Variants in GAN observed in about 807,000 individuals in gnomAD.
GAN encodes epididymis secretory sperm binding protein.
In GAN, 48 loss-of-function variants were observed where a neutral mutation model predicts 71.3. The observed-to-expected ratio is 0.67, with a 90% CI of 0.53 to 0.86. GAN has a LOEUF of 0.86. Among genes scored for constraint, GAN ranks in the 40% least tolerant of loss-of-function variants. The pLI is 0.00. For synonymous variants in GAN, 386 were observed against 276.8 expected (o/e 1.39, Z -3.92); for missense variants, 928 against 770.1 (o/e 1.21, Z -2.43).
intron 9 of GAN, 147 bp downstream of exon 9, chr16:81,365,625 G>T: frequency 1.2e-6 from 1 of 804,652 alleles, no homozygotes; most frequent in Non-Finnish European, 2.1e-6. Flanking sequence ...TATTTATTCA[G>T]TGACTTCACA....
chr16:81,321,562 G>A (rs551211957), intron 1 of GAN, among the ~76,000 whole-genome samples: 13 of 152,270 alleles, frequency 8.5e-5, no homozygotes, highest in East Asian at 1.9e-4. Context: ...TTTCAAAACC[G>A]CCTTATCCAT....
chr16:81,347,998 C>G (rs1485317329), intron 1 of GAN, among the ~76,000 whole-genome samples: 1 of 151,766 alleles, frequency 6.6e-6, no homozygotes, highest in African/African-American at 2.4e-5. Context: ...CTCTCATTTT[C>G]TTTTTTAAAA....
chr16:81,374,860 A>G (rs1164651103), intron 9 of GAN, among the ~76,000 whole-genome samples: 1 of 152,246 alleles, frequency 6.6e-6, no homozygotes, highest in African/African-American at 2.4e-5. Flanking sequence ...TGCCAAGGCA[A>G]TTTAGTGGGG....
intron 1 of GAN, among the ~76,000 whole-genome samples, chr16:81,325,525 C>G (rs1330238940): frequency 6.6e-6 from 1 of 152,168 alleles, no homozygotes; most frequent in Admixed American, 6.5e-5. Context: ...AGTTGCTAAT[C>G]ATTAAAGACT....
intron 3 of GAN, 92 bp from the exon 4 acceptor site, chr16:81,356,693 T>A: frequency 1.1e-6 from 1 of 908,488 alleles, no homozygotes; most frequent in Admixed American, 1.7e-5. Context: ...GTGTTAACAG[T>A]TTGTTTTCCA....
At chr16:81,318,879 A>G (rs1909131946) in intron 1 of GAN, among the ~76,000 whole-genome samples, 1 of 152,224 alleles carries the variant, frequency 6.6e-6, no homozygotes, top group Non-Finnish European at 1.5e-5. Flanking sequence ...TGCTCCAGGA[A>G]GGAGGCAGGA....
At chr16:81,362,953 G>A (rs1322752482) in intron 6 of GAN, among the ~76,000 whole-genome samples, 2 of 152,156 alleles carry the variant, frequency 1.3e-5, no homozygotes, top group African/African-American at 2.4e-5. Context: ...TTCGTACGAC[G>A]TCTCACCATC....
In GAN at chr16:81,340,438, A is replaced by G. The variant is rs1479396650; in HGVS notation, c.168-11145A>G. Among the ~76,000 whole-genome samples, 9 of 152,326 alleles carry G rather than the reference A, an allele frequency of 5.9e-5. No homozygotes were observed. In the East Asian group the frequency reaches 1.7e-3, roughly 29 times the overall value. On this transcript the variant is annotated intron_variant, in intron 1 of 10. Coordinates refer to ENST00000648994, the MANE Select transcript of GAN (RefSeq NM_022041.4). ...CTGGGGCGAAGCTTCCAGAGGAAGG[A>G]TCAGGCAGCAATTTTTGCTGTTCTG...
chr16:81,377,066 A>G (rs1238469854), intron 9 of GAN, among the ~76,000 whole-genome samples, 153 bp from the exon 10 acceptor site: 1 of 152,188 alleles, frequency 6.6e-6, no homozygotes, highest in Non-Finnish European at 1.5e-5. Flanking sequence ...GACTGGCAGC[A>G]TGTCGGTGGT....
intron 1 of GAN, among the ~76,000 whole-genome samples, chr16:81,348,700 A>C (rs889371124): frequency 1.3e-5 from 2 of 152,224 alleles, no homozygotes; most frequent in African/African-American, 4.8e-5. Context: ...TACAGCTTCA[A>C]AATGTGCAGG....
chr16:81,363,581 C>T (rs1414946521), intron 6 of GAN, among the ~76,000 whole-genome samples: 1 of 152,166 alleles, frequency 6.6e-6, no homozygotes, highest in Non-Finnish European at 1.5e-5. Context: ...CTGAGGTTTG[C>T]AGTAAGATTA....
intron 1 of GAN, among the ~76,000 whole-genome samples, chr16:81,327,319 A>G (rs1400341342): frequency 6.6e-6 from 1 of 152,242 alleles, no homozygotes; most frequent in Non-Finnish European, 1.5e-5. Context: ...AGGCGCCAGA[A>G]GCAAAAAGGT....
rs1904424142 is a variant in GAN at position 81,387,091 on chromosome 16, A to T, written c.*9495A>T. Reference sequence around the variant, plus strand: ...AGCTACTCTAGCAGCATCCTGTTTGACATTTGTATCCATAACTTGAATAAA... The same window carrying T: ...AGCTACTCTAGCAGCATCCTGTTTGTCATTTGTATCCATAACTTGAATAAA... On this transcript the variant is annotated 3_prime_UTR_variant, in exon 11 of 11. Coordinates refer to ENST00000648994, the MANE Select transcript of GAN (RefSeq NM_022041.4). 6.6e-6 allele frequency: 1 copy of T among 152,258 alleles called. No individual in the cohort carries two copies. Among genetic ancestry groups the T allele is most frequent in the South Asian group, 2.1e-4 (1 of 4,826 alleles). The allele number at this position is 152,258 out of a possible 1,614,324, so 9.4% of individuals were successfully genotyped here.
Position 81,356,979 on chromosome 16 carries a change from G to C in GAN, c.828G>C (p.Val276=), listed in dbSNP as rs760927977. The change falls in exon 4 of 11, where the codon GTG becomes GTC. Residue 276 remains valine, a synonymous_variant. Transcript: ENST00000648994. ...CCCGGGGCTACTCTGAGTGCATCGT[G>C]ACTGTTGGTGGAGAAGAGAGAGTGT... is the stretch of plus-strand genomic sequence containing the variant. ...FKPRGYSECI[V]TVGGEERVSR... The C allele has an allele frequency of 1.2e-6, 2 of 1,609,060 alleles. No individual in the cohort carries two copies. The highest frequency in any genetic ancestry group is 2.2e-5 in the South Asian group (2 of 90,934).
intron 4 of GAN, 62 bp downstream of exon 4, chr16:81,357,064 C>G (rs761990232): frequency 1.0e-5 from 10 of 991,078 alleles, no homozygotes; most frequent in African/African-American, 1.6e-5. Context: ...TCCATGTAAA[C>G]AAGAATTCAT....
intron 9 of GAN, among the ~76,000 whole-genome samples, chr16:81,370,508 C>G (rs1911004683): frequency 6.6e-6 from 1 of 152,234 alleles, no homozygotes. Flanking sequence ...CAGCTGCTAC[C>G]TTTAGGGCAG....
chr16:81,345,372 C>CTGGAT (rs772602401), intron 1 of GAN, among the ~76,000 whole-genome samples: 113 of 151,550 alleles, frequency 7.5e-4, no homozygotes, highest in Admixed American at 1.6e-3. Flanking sequence ...CAATGATAGA[C>CTGGAT]TAAGAAAATG....
intron 1 of GAN, 29 bp downstream of exon 1, chr16:81,315,309 C>T (rs1233246542): frequency 5.5e-6 from 8 of 1,467,108 alleles, no homozygotes; most frequent in East Asian, 3.0e-5. Flanking sequence ...CGGGCGGGCG[C>T]GGCGGTGCTG....
Position 81,362,590 on chromosome 16 carries a change from A to C in GAN, c.1065A>C (p.Thr355=), listed in dbSNP as rs370426264. 39 of 1,569,856 alleles carry C rather than the reference A, an allele frequency of 2.5e-5. No homozygotes were observed. Among genetic ancestry groups the C allele is most frequent in the African/African-American group, 8.1e-5 (6 of 74,114 alleles). The change falls in exon 6 of 11, where the codon ACA becomes ACC. Residue 355 remains threonine, a synonymous_variant. Transcript: ENST00000648994. ...ATGATCCAGATGCAAATACATGGACAGCATTGCCACCTATGAACGAGGTAA... is the reference window on the plus strand; with the variant it reads ...ATGATCCAGATGCAAATACATGGACCGCATTGCCACCTATGAACGAGGTAA... ...EKYDPDANTW[T]ALPPMNEARH...
Sources: gnomAD v4.1 joint callset for allele counts (sites outside exome capture counted in the v4.1 genomes callset) on GRCh38, gnomAD v4.1.1 for gene constraint, MANE v1.5 for transcripts, NCBI Gene and HGNC (gene_info 2026-07-23, HGNC 2026-07-21) for gene names.